Variants in CASP4 observed in about 807,000 individuals in gnomAD.
CASP4 encodes the protein caspase-4.
In CASP4, 29 loss-of-function variants were observed where a neutral mutation model predicts 41.3. The ratio of observed to expected loss-of-function variants is 0.70; its 90% CI spans 0.52 to 0.96. CASP4 has a LOEUF of 0.96. CASP4 is among the 40% of genes least tolerant of loss of function. CASP4 has a pLI of 0.00. For missense variants in CASP4, 447 were observed against 460.6 expected, an observed-to-expected ratio of 0.97 and a Z score of 0.27; for synonymous variants, 185 against 158.4, an observed-to-expected ratio of 1.17 and a Z score of -1.26.
intron 1 of CASP4, among the ~76,000 whole-genome samples, chr11:104,957,217 A>G (rs1298593349): frequency 6.6e-6 from 1 of 152,016 alleles, no homozygotes; most frequent in East Asian, 1.9e-4. Context: ...ATTGCAGGAT[A>G]AAAAAAATCA....
intron 1 of CASP4, among the ~76,000 whole-genome samples, chr11:104,955,566 TAA>T (rs1860719577): frequency 1.9e-5 from 1 of 52,308 alleles, no homozygotes; most frequent in South Asian, 6.4e-4. Flanking sequence ...GCTAAATACA[TAA>T]ATTAAAGAAT....
In CASP4 at chr11:104,949,603, G is replaced by T. The variant is rs368813530; in HGVS notation, c.721C>A (p.Arg241Ser). The stretch of plus-strand genomic sequence containing the variant: ...TTGTCCTTCAGACTGAGGCAGTTGC[G>T]GTTGTTGAATATCTGGAAGATGGTG... The part of the protein sequence containing the change: ...YDTIFQIFNN[R>S]NCLSLKDKPK... The change falls in exon 5 of 9, where the codon CGC (arginine) becomes AGC (serine). Residue 241 changes from arginine to serine, a missense_variant. By Grantham distance (110) the Arg-to-Ser change is moderately radical. Coordinates refer to ENST00000444739, the MANE Select transcript of CASP4 (RefSeq NM_001225.4). 3.1e-6 allele frequency: 5 copies of T among 1,613,922 alleles called. No individual in the cohort carries two copies. The South Asian group carries it at 5.5e-5, about 18-fold the overall frequency.
intron 1 of CASP4, among the ~76,000 whole-genome samples, chr11:104,960,717 A>G (rs1269605459): frequency 6.6e-6 from 1 of 152,060 alleles, no homozygotes; most frequent in East Asian, 1.9e-4. Flanking sequence ...TGATCCACCC[A>G]TCTTGGTCTC....
At chr11:104,944,431 T>G (rs757811525) in intron 8 of CASP4, 26 of 267,552 alleles carry the variant, frequency 9.7e-5, no homozygotes, top group Non-Finnish European at 1.4e-4. Flanking sequence ...CTATGAGAGA[T>G]AAATGAATAT....
chr11:104,948,851 C>G (rs1591126546), intron 5 of CASP4, 175 bp from the exon 6 acceptor site: 2 of 413,510 alleles, frequency 4.8e-6, no homozygotes, highest in East Asian at 7.0e-5. Flanking sequence ...TTTTCTTTCT[C>G]TCCAGTGTCA....
chr11:104,948,778 A>G (rs866581196), intron 5 of CASP4, 102 bp from the exon 6 acceptor site: 36 of 978,264 alleles, frequency 3.7e-5, no homozygotes, highest in Middle Eastern at 2.2e-4. Context: ...TACTAGTTTC[A>G]TACATACAGA....
chr11:104,947,220 G>A (rs777312257), intron 6 of CASP4, 28 bp from the exon 7 acceptor site: 1 of 1,311,368 alleles, frequency 7.6e-7, no homozygotes, highest in Non-Finnish European at 1.1e-6. Flanking sequence ...GGTATGCCTT[G>A]GGCTATGACT....
At chr11:104,957,127 A>G (rs1860754095) in intron 1 of CASP4, among the ~76,000 whole-genome samples, 1 of 152,136 alleles carries the variant, frequency 6.6e-6, no homozygotes, top group African/African-American at 2.4e-5. Context: ...TGCCTGTTTA[A>G]AGATGAAATG....
intron 7 of CASP4, 47 bp from the exon 8 acceptor site, chr11:104,944,898 C>G: frequency 7.9e-7 from 1 of 1,269,438 alleles, no homozygotes; most frequent in Non-Finnish European, 1.2e-6. Context: ...CTTTTCAAGT[C>G]TCAGAAAGCA....
chr11:104,967,639 C>T (rs779914176), intron 1 of CASP4, among the ~76,000 whole-genome samples: 5 of 152,120 alleles, frequency 3.3e-5, no homozygotes, highest in Admixed American at 6.5e-5. Context: ...AATTATGTGA[C>T]GATCTTCAAA....
intron 2 of CASP4, among the ~76,000 whole-genome samples, chr11:104,953,734 C>T (rs1206172202): frequency 2.6e-5 from 4 of 152,092 alleles, no homozygotes; most frequent in African/African-American, 9.7e-5. Context: ...TACTTCATGG[C>T]TCAAGATTTC....
At chr11:104,958,719 G>C (rs1860791589) in intron 1 of CASP4, among the ~76,000 whole-genome samples, 1 of 152,140 alleles carries the variant, frequency 6.6e-6, no homozygotes, top group Non-Finnish European at 1.5e-5. Context: ...CCAGCACTTT[G>C]TGAGGTTAAG....
intron 3 of CASP4, 90 bp from the exon 4 acceptor site, chr11:104,951,188 A>G (rs1860604109): frequency 1.8e-6 from 2 of 1,095,228 alleles, no homozygotes; most frequent in African/African-American, 1.6e-5. Context: ...TCAAGTCTTC[A>G]TGCAGCTCCT....
chr11:104,954,313 T>C lies in CASP4; in HGVS notation c.262+434A>G, dbSNP rs72486011. 9.9e-5 allele frequency among the ~76,000 whole-genome samples: 15 copies of C among 152,262 alleles called. No individual in the cohort carries two copies. The East Asian group carries it at 2.7e-3, about 27-fold the overall frequency. The stretch of plus-strand genomic sequence containing the variant: ...TGAGAGCTAATATCTTGAGAGTTGT[T>C]GGCGTGTGGTGCCTGTCATTATAAT... On this transcript the variant is annotated intron_variant, in intron 2 of 8. Coordinates refer to ENST00000444739, the MANE Select transcript of CASP4 (RefSeq NM_001225.4).
chr11:104,957,333 C>T (rs1565368038), intron 1 of CASP4, among the ~76,000 whole-genome samples: 1 of 151,952 alleles, frequency 6.6e-6, no homozygotes, highest in African/African-American at 2.4e-5. Context: ...TCAATTTAAC[C>T]GAGTAGGTAA....
chr11:104,944,926 G>C, intron 7 of CASP4, 75 bp from the exon 8 acceptor site: 1 of 989,128 alleles, frequency 1.0e-6, no homozygotes, highest in Non-Finnish European at 1.6e-6. Context: ...CCATGTACCA[G>C]ACAACACCTG....
chr11:104,943,958 G>T (rs1860387126), intron 8 of CASP4: 1 of 152,158 alleles, frequency 6.6e-6, no homozygotes, highest in Non-Finnish European at 1.5e-5. Flanking sequence ...ATAGTCTAGT[G>T]TTAAATAAAG....
At chr11:104,943,248 C>T (rs745633624) in intron 8 of CASP4, 23 of 262,604 alleles carry the variant, frequency 8.8e-5, no homozygotes, top group African/African-American at 3.8e-4. Flanking sequence ...TAGAACCACG[C>T]GATCTGGCTT....
intron 1 of CASP4, among the ~76,000 whole-genome samples, chr11:104,959,209 T>G (rs2134652498): frequency 6.6e-6 from 1 of 152,184 alleles, no homozygotes; most frequent in East Asian, 1.9e-4. Flanking sequence ...GATTAATAGA[T>G]GAAGAAAATG....
Sources: gnomAD v4.1 joint callset for allele counts (sites outside exome capture counted in the v4.1 genomes callset) on GRCh38, gnomAD v4.1.1 for gene constraint, MANE v1.5 for transcripts, NCBI Gene and HGNC (gene_info 2026-07-23, HGNC 2026-07-21) for gene names.